PAAF1: variants seen among roughly 807,000 people sequenced by gnomAD.
The protein encoded by PAAF1 is proteasomal ATPase associated factor 1.
In PAAF1, 46 loss-of-function variants were observed where a neutral mutation model predicts 52.8. The ratio of observed to expected loss-of-function variants is 0.87; its 90% confidence interval spans 0.69 to 1.11. The LOEUF is 1.11. Among genes scored for constraint, PAAF1 ranks in the 50% most tolerant of loss-of-function variants. The pLI is 0.00. For synonymous variants in PAAF1, 178 were observed against 172.8 expected, an observed-to-expected ratio of 1.03 and a Z score of -0.24; for missense variants, 424 against 477.4, an observed-to-expected ratio of 0.89 and a Z score of 1.04.
intron 4 of PAAF1, among the ~76,000 whole-genome samples, chr11:73,898,551 G>T (rs574477923): frequency 3.3e-5 from 5 of 152,016 alleles, no homozygotes; most frequent in Non-Finnish European, 5.9e-5. Flanking sequence ...GGCTGGGCAC[G>T]GTGGCCTATA....
chr11:73,887,781 G>C (rs993509291), intron 3 of PAAF1, among the ~76,000 whole-genome samples: 1 of 152,140 alleles, frequency 6.6e-6, no homozygotes, highest in Non-Finnish European at 1.5e-5. Flanking sequence ...ATGGAGTCTT[G>C]CTCTGTCGCC....
Position 73,900,332 on chromosome 11 carries a change from G to A in PAAF1, c.444G>A (p.Val148=). 1 of 1,613,066 alleles carries A rather than the reference G, an allele frequency of 6.2e-7. No homozygotes were observed. Among genetic ancestry groups the A allele is most frequent in the South Asian group, 1.1e-5 (1 of 90,966 alleles). The change falls in exon 6 of 12, where the codon GTG becomes GTA. Residue 148 remains valine, a synonymous_variant. Coordinates refer to ENST00000310571, the MANE Select transcript of PAAF1 (RefSeq NM_025155.3). ...GCAGGTTTTTCCCATCAGGCCTTGT[G>A]GTCCTGAGTGGGGGAATGGATGCCC... ...NCCRFFPSGL[V]VLSGGMDAQL...
At chr11:73,878,871 C>G (rs775318362) in intron 2 of PAAF1, 52 bp downstream of exon 2, 3 of 1,537,406 alleles carry the variant, frequency 2.0e-6, no homozygotes, top group Non-Finnish European at 1.8e-6. Flanking sequence ...AGGATTAATA[C>G]CCTTAAAAGA....
intron 2 of PAAF1, chr11:73,879,878 A>AG (rs71469477): frequency 1.3e-5 from 2 of 151,864 alleles, no homozygotes; most frequent in Non-Finnish European, 2.9e-5. Flanking sequence ...ATCATTAAAA[A>AG]AAAAAAGACT....
chr11:73,895,913 C>G (rs1181514905), intron 4 of PAAF1, among the ~76,000 whole-genome samples: 1 of 152,066 alleles, frequency 6.6e-6, no homozygotes, highest in Non-Finnish European at 1.5e-5. Context: ...TCAAGACCAC[C>G]CTGGGCAACA....
chr11:73,925,346 C>T (rs1208913753), intron 11 of PAAF1, among the ~76,000 whole-genome samples: 1 of 151,424 alleles, frequency 6.6e-6, no homozygotes, highest in African/African-American at 2.4e-5. Context: ...CCTGTAGTCC[C>T]AGCTACTCAT....
rs1426233421 is a variant in PAAF1 at position 73,891,131 on chromosome 11, G to A, written c.212G>A (p.Cys71Tyr). The part of the protein sequence containing the change: ...EINKKSIHIS[C>Y]PKENASSKFL... ...GTTTAGAAAAGCATTCATATTTCAT[G>A]TCCAAAGGAAAATGCATCTTCTAAG... is the stretch of plus-strand genomic sequence containing the variant. The change falls in exon 4 of 12, where the codon TGT (cysteine) becomes TAT (tyrosine). Residue 71 changes from cysteine to tyrosine, a missense_variant. Coordinates refer to ENST00000310571, the MANE Select transcript of PAAF1 (RefSeq NM_025155.3). The A allele has an allele frequency of 6.3e-7, 1 of 1,598,110 alleles. No homozygotes were observed. The highest frequency in any genetic ancestry group is 1.3e-5 in the African/African-American group (1 of 74,470).
chr11:73,902,292 A>G (rs1949643185), intron 6 of PAAF1, among the ~76,000 whole-genome samples: 3 of 152,216 alleles, frequency 2.0e-5, no homozygotes, highest in Admixed American at 2.0e-4. Flanking sequence ...GTACATTGAG[A>G]GGGAATAGAA....
chr11:73,890,071 T>G (rs1170100659), intron 3 of PAAF1, among the ~76,000 whole-genome samples: 2 of 152,212 alleles, frequency 1.3e-5, no homozygotes, highest in Non-Finnish European at 2.9e-5. Flanking sequence ...ACATTTTCAT[T>G]GTCCTGAAGA....
intron 5 of PAAF1, among the ~76,000 whole-genome samples, 191 bp downstream of exon 5, chr11:73,899,435 A>T (rs1413921138): frequency 1.9e-5 from 2 of 105,874 alleles, no homozygotes; most frequent in African/African-American, 3.8e-5. Context: ...TTTTTTTGAG[A>T]CAGTCTTGCT....
chr11:73,912,108 G>T (rs764579112), intron 7 of PAAF1, among the ~76,000 whole-genome samples: 1 of 151,850 alleles, frequency 6.6e-6, no homozygotes. Context: ...CTTCTTAAAG[G>T]TCTCCTTTTA....
chr11:73,919,130 C>G, intron 10 of PAAF1, 98 bp downstream of exon 10: 1 of 1,027,830 alleles, frequency 9.7e-7, no homozygotes, highest in South Asian at 1.5e-5. Flanking sequence ...GGGGCATGGT[C>G]CCCCATGATT....
chr11:73,889,373 CA>C (rs1215088373), intron 3 of PAAF1: 4 of 545,680 alleles, frequency 7.3e-6, no homozygotes, highest in African/African-American at 5.8e-5. Flanking sequence ...AACCCTGGAG[CA>C]TAAAAATGTT....
chr11:73,882,603 C>A (rs116388544), intron 2 of PAAF1, among the ~76,000 whole-genome samples: 1 of 151,540 alleles, frequency 6.6e-6, no homozygotes, highest in Admixed American at 6.6e-5. Flanking sequence ...TGCGCCACCA[C>A]GCCTGGCTAA....
intron 6 of PAAF1, among the ~76,000 whole-genome samples, chr11:73,901,870 C>CTTTTTTTTTTTTTT (rs35218096): frequency 1.6e-5 from 2 of 128,226 alleles, no homozygotes; most frequent in Non-Finnish European, 1.7e-5. Flanking sequence ...TGCGCCTTGC[C>CTTTTTTTTTTTTTT]TTTTTTTTTT....
chr11:73,922,196 G>A (rs938939456), intron 10 of PAAF1: 2 of 843,778 alleles, frequency 2.4e-6, no homozygotes, highest in Non-Finnish European at 3.9e-6. Flanking sequence ...CTGGCATCTT[G>A]GTGGCGCCCG....
At chr11:73,909,350 A>G (rs367594409) in intron 6 of PAAF1, 49 bp from the exon 7 acceptor site, 437 of 1,557,108 alleles carry the variant, frequency 2.8e-4, no homozygotes, top group Non-Finnish European at 3.6e-4. Flanking sequence ...CTGCCCTTGT[A>G]GTTCCTTTAC....
chr11:73,923,347 A>G (rs1336398534), intron 10 of PAAF1, among the ~76,000 whole-genome samples: 1 of 152,142 alleles, frequency 6.6e-6, no homozygotes, highest in Admixed American at 6.6e-5. Flanking sequence ...TAATACAGAA[A>G]AAACTTTATG....
intron 3 of PAAF1, among the ~76,000 whole-genome samples, chr11:73,888,639 A>G (rs530357250): frequency 2.6e-5 from 4 of 152,360 alleles, no homozygotes; most frequent in South Asian, 2.1e-4. Context: ...TGTTTTTTAC[A>G]TAAGATTTTT....
Sources: allele counts gnomAD v4.1 joint callset (sites outside exome capture counted in the v4.1 genomes callset), GRCh38; gene constraint gnomAD v4.1.1; transcripts MANE v1.5; gene names NCBI Gene and HGNC (gene_info 2026-07-23, HGNC 2026-07-21).